Variants in INPP4B observed in about 807,000 individuals in gnomAD.
INPP4B encodes the protein inositol polyphosphate-4-phosphatase type II B.
A neutral mutation model predicts 122.5 loss-of-function variants in INPP4B; 55 were observed. The ratio of observed to expected loss-of-function variants is 0.45; its 90% confidence interval spans 0.36 to 0.56. INPP4B has a LOEUF of 0.56. Ranked by LOEUF, INPP4B falls within the 20% of genes least tolerant of loss-of-function variation. The pLI is 0.00. For synonymous variants in INPP4B, 403 were observed against 388.7 expected (o/e 1.04, Z -0.43); for missense variants, 1,000 against 1,097.7 (o/e 0.91, Z 1.26).
At chr4:142,204,258 A>G (rs534826383) in intron 14 of INPP4B, among the ~76,000 whole-genome samples, 7 of 152,190 alleles carry the variant, frequency 4.6e-5, no homozygotes, top group African/African-American at 7.2e-5. Flanking sequence ...TTAATATTAC[A>G]TATTTTTAAA....
chr4:142,326,293 G>A (rs1277763428), intron 7 of INPP4B, among the ~76,000 whole-genome samples: 3 of 152,230 alleles, frequency 2.0e-5, no homozygotes, highest in African/African-American at 7.2e-5. Flanking sequence ...TTTCCTTTAA[G>A]TGGTAAGGGA....
rs535530433 is a variant in INPP4B at position 142,208,587 on chromosome 4, T to C, written c.968-58A>G. ...AAATAATGATAAATTAATATGTGTG[T>C]TAAAAGATAAATTTGACAGAAAAAT... On this transcript the variant is annotated intron_variant, in intron 13 of 25. Coordinates refer to ENST00000262992, the MANE Select transcript of INPP4B (RefSeq NM_001101669.3). The C allele has an allele frequency of 7.8e-6, 7 of 895,144 alleles. No individual in the cohort carries two copies. The East Asian group carries it at 8.5e-5, about 11-fold the overall frequency. 55.5% of individuals were successfully genotyped at this position (895,144 alleles called of 1,614,324 possible).
chr4:142,780,394 T>C (rs1041613623), intron 1 of INPP4B, among the ~76,000 whole-genome samples: 3 of 152,096 alleles, frequency 2.0e-5, no homozygotes, highest in African/African-American at 7.2e-5. Flanking sequence ...TTAATCAAAA[T>C]ACGAAATGAT....
intron 2 of INPP4B, among the ~76,000 whole-genome samples, chr4:142,639,408 T>C (rs1412358960): frequency 6.6e-6 from 1 of 152,224 alleles, no homozygotes; most frequent in Non-Finnish European, 1.5e-5. Context: ...TTGTTAATTA[T>C]TGATTAAATA....
chr4:142,322,957 A>G (rs1770669770), intron 7 of INPP4B, among the ~76,000 whole-genome samples: 2 of 152,218 alleles, frequency 1.3e-5, no homozygotes, highest in Admixed American at 6.5e-5. Flanking sequence ...AACTATTGCT[A>G]TAAAATAAAT....
intron 21 of INPP4B, among the ~76,000 whole-genome samples, chr4:142,119,467 T>TA (rs569866775): frequency 1.3e-5 from 2 of 151,892 alleles, no homozygotes; most frequent in Non-Finnish European, 2.9e-5. Context: ...TATGCAGCCA[T>TA]AAAAAAAGAT....
rs185892567 is a variant in INPP4B, at chr4:142,502,519, G to A, written c.-190-39793C>T. On this transcript the variant is annotated intron_variant, in intron 2 of 25. Transcript: ENST00000262992. ...TATTTATTTATTAAGATAGAGTTTCGCTCTTGTCACCCAGGCTGGAATGCA... is the reference window on the plus strand; with the variant it reads ...TATTTATTTATTAAGATAGAGTTTCACTCTTGTCACCCAGGCTGGAATGCA... Among the ~76,000 whole-genome samples, 53 of 152,026 alleles carry A rather than the reference G, an allele frequency of 3.5e-4. 1 individual carries two copies. The highest frequency in any genetic ancestry group is 8.3e-4 in the South Asian group (4 of 4,796).
intron 2 of INPP4B, among the ~76,000 whole-genome samples, chr4:142,717,711 C>T (rs919868135): frequency 3.3e-5 from 5 of 150,980 alleles, no homozygotes; most frequent in African/African-American, 7.3e-5. Context: ...GGACACAGGG[C>T]GGGGAACATC....
chr4:142,163,041 G>A (rs1820898278), intron 16 of INPP4B, among the ~76,000 whole-genome samples: 2 of 151,700 alleles, frequency 1.3e-5, no homozygotes, highest in South Asian at 4.1e-4. Context: ...GTAGACCATT[G>A]ATGTTTCGCA....
intron 18 of INPP4B, among the ~76,000 whole-genome samples, chr4:142,136,050 G>T (rs1190778898): frequency 3.3e-5 from 5 of 152,186 alleles, no homozygotes; most frequent in African/African-American, 1.2e-4. Context: ...ACCTACCTTG[G>T]CCTCCCAAAG....
At chr4:142,364,431 C>T (rs1019403867) in intron 7 of INPP4B, among the ~76,000 whole-genome samples, 3 of 152,110 alleles carry the variant, frequency 2.0e-5, no homozygotes, top group South Asian at 2.1e-4. Flanking sequence ...TTGTCTAACA[C>T]GCTAATTAAG....
chr4:142,441,927 G>A (rs942853684), intron 3 of INPP4B, among the ~76,000 whole-genome samples: 2 of 151,554 alleles, frequency 1.3e-5, no homozygotes, highest in African/African-American at 4.9e-5. Context: ...GGAGATACAA[G>A]CAAGGCAAAA....
intron 23 of INPP4B, among the ~76,000 whole-genome samples, chr4:142,093,113 T>C (rs978355627): frequency 6.6e-6 from 1 of 152,118 alleles, no homozygotes; most frequent in Non-Finnish European, 1.5e-5. Context: ...ATGCTCCCTA[T>C]AAGAACCCAG....
chr4:142,371,396 C>T (rs1359206700), intron 7 of INPP4B, among the ~76,000 whole-genome samples: 8 of 152,036 alleles, frequency 5.3e-5, no homozygotes, highest in Non-Finnish European at 1.2e-4. Flanking sequence ...TTCAAAAGCA[C>T]AGGCAGCAGA....
intron 2 of INPP4B, among the ~76,000 whole-genome samples, chr4:142,663,286 C>T (rs1258531709): frequency 3.0e-4 from 46 of 151,972 alleles, no homozygotes; most frequent in Admixed American, 3.0e-3. Flanking sequence ...TAAAAACATT[C>T]AAGAACTAAG....
chr4:142,798,015 T>G (rs573543034), intron 1 of INPP4B, among the ~76,000 whole-genome samples: 87 of 151,944 alleles, frequency 5.7e-4, no homozygotes, highest in Non-Finnish European at 1.1e-3. Context: ...GAACAATTGA[T>G]TTCAATAGGG....
At chr4:142,627,996 G>A (rs574803326) in intron 2 of INPP4B, among the ~76,000 whole-genome samples, 27 of 152,044 alleles carry the variant, frequency 1.8e-4, no homozygotes, top group South Asian at 6.2e-4. Context: ...TGTATGTGTC[G>A]AGGAATTTAT....
chr4:142,608,925 G>A (rs1272960014), intron 2 of INPP4B, among the ~76,000 whole-genome samples: 1 of 152,084 alleles, frequency 6.6e-6, no homozygotes, highest in African/African-American at 2.4e-5. Flanking sequence ...CATATTATGT[G>A]TATATTTGAA....
chr4:142,826,496 T>TCA (rs34633285), intron 1 of INPP4B, among the ~76,000 whole-genome samples: 35,499 of 148,942 alleles, frequency 0.24, 4,217 homozygotes, highest in South Asian at 0.33. Flanking sequence ...GTTCATAAAA[T>TCA]CACACACACA....
Sources: allele counts gnomAD v4.1 joint callset (sites outside exome capture counted in the v4.1 genomes callset), GRCh38; gene constraint gnomAD v4.1.1; transcripts MANE v1.5; gene names NCBI Gene and HGNC (gene_info 2026-07-23, HGNC 2026-07-21).